Variants in GLG1 observed in about 807,000 individuals in gnomAD.
The protein encoded by GLG1 is Golgi apparatus protein 1.
A neutral mutation model predicts 160.5 loss-of-function variants in GLG1; 38 were observed. The ratio of observed to expected loss-of-function variants is 0.24; its 90% CI spans 0.18 to 0.31. GLG1 has a LOEUF of 0.31. Among genes scored for constraint, GLG1 ranks in the 10% least tolerant of loss-of-function variants. The pLI, the probability that GLG1 is intolerant of heterozygous loss-of-function variation, is 1.00. For synonymous variants in GLG1, 644 were observed against 543.4 expected, an observed-to-expected ratio of 1.19 and a Z score of -2.57; for missense variants, 1,373 against 1,505.2, an observed-to-expected ratio of 0.91 and a Z score of 1.45.
intron 1 of GLG1, among the ~76,000 whole-genome samples, chr16:74,565,992 AG>A (rs1274084433): frequency 6.6e-6 from 1 of 152,222 alleles, no homozygotes; most frequent in Non-Finnish European, 1.5e-5. Context: ...AAACCTCGTC[AG>A]GTATTTTGTA....
intron 6 of GLG1, 60 bp from the exon 7 acceptor site, chr16:74,493,200 T>C (rs2016066995): frequency 1.7e-6 from 2 of 1,160,918 alleles, no homozygotes; most frequent in African/African-American, 1.5e-5. Context: ...TGTTGACGTG[T>C]ACCACTAAGA....
chr16:74,516,938 A>G (rs898422172), intron 2 of GLG1, among the ~76,000 whole-genome samples: 3 of 152,230 alleles, frequency 2.0e-5, no homozygotes, highest in Non-Finnish European at 4.4e-5. Flanking sequence ...TATGCAAATA[A>G]ACTAGAAAAT....
intron 2 of GLG1, among the ~76,000 whole-genome samples, chr16:74,528,932 T>C (rs1396008635): frequency 6.6e-6 from 1 of 151,604 alleles, no homozygotes; most frequent in Non-Finnish European, 1.5e-5. Context: ...TCTTGGCCAT[T>C]ATTTCTTCGA....
At chr16:74,596,213 C>A (rs909581138) in intron 1 of GLG1, among the ~76,000 whole-genome samples, 3 of 151,828 alleles carry the variant, frequency 2.0e-5, no homozygotes, top group Non-Finnish European at 4.4e-5. Flanking sequence ...CAGAGCGAGA[C>A]TCTGTCTCAA....
chr16:74,459,597 A>G, intron 23 of GLG1, 85 bp downstream of exon 23: 1 of 728,468 alleles, frequency 1.4e-6, no homozygotes. Context: ...TTTTATTACC[A>G]AGGTAGGCAG....
At chr16:74,594,622 T>C (rs1958258041) in intron 1 of GLG1, among the ~76,000 whole-genome samples, 1 of 152,194 alleles carries the variant, frequency 6.6e-6, no homozygotes, top group Non-Finnish European at 1.5e-5. Flanking sequence ...AGTCACTAAC[T>C]GACCTCCAGT....
At chr16:74,484,625 G>A (rs1363445784) in intron 9 of GLG1, among the ~76,000 whole-genome samples, 2 of 152,132 alleles carry the variant, frequency 1.3e-5, no homozygotes, top group Non-Finnish European at 2.9e-5. Flanking sequence ...GCTGGGCATG[G>A]TGTCATGTGC....
intron 1 of GLG1, among the ~76,000 whole-genome samples, chr16:74,582,315 C>T (rs1049064783): frequency 5.9e-5 from 9 of 151,878 alleles, no homozygotes; most frequent in Non-Finnish European, 1.0e-4. Flanking sequence ...TTTAGGCATG[C>T]GCCACCATGC....
chr16:74,480,643 G>A (rs561669330), intron 10 of GLG1, among the ~76,000 whole-genome samples: 17 of 151,162 alleles, frequency 1.1e-4, no homozygotes, highest in Admixed American at 9.9e-4. Flanking sequence ...TGGAACCTCC[G>A]TCCCCCGGGG....
At chr16:74,494,332 G>T (rs768237278) in intron 6 of GLG1, among the ~76,000 whole-genome samples, 3 of 151,668 alleles carry the variant, frequency 2.0e-5, no homozygotes, top group Non-Finnish European at 2.9e-5. Context: ...TCTGAAAGCG[G>T]TGAGCTTTAT....
At chr16:74,530,932 C>A (rs1383099329) in intron 2 of GLG1, among the ~76,000 whole-genome samples, 1 of 152,112 alleles carries the variant, frequency 6.6e-6, no homozygotes, top group African/African-American at 2.4e-5. Flanking sequence ...TGTGAACATT[C>A]TATTCATGTC....
chr16:74,592,434 T>C (rs1173822768), intron 1 of GLG1, among the ~76,000 whole-genome samples: 1 of 152,106 alleles, frequency 6.6e-6, no homozygotes, highest in African/African-American at 2.4e-5. Flanking sequence ...ACCCGGACTG[T>C]TTATATAAAT....
Position 74,496,488 on chromosome 16 carries a change from GCCGGT to G in GLG1, c.926_930del (p.Asp309AlafsTer9). On this transcript the variant is annotated frameshift_variant, in exon 5 of 26. Coordinates refer to ENST00000422840, the MANE Select transcript of GLG1 (RefSeq NM_001145667.2). LOFTEE classifies it high-confidence loss of function. ...TCATCTCGGCAAGCAAAATATAAAT[GCCGGT>G]CTAAGTGAAAGTCATCCGATGACAG... 6.2e-7 allele frequency: 1 copy of G among 1,613,982 alleles called. No individual in the cohort carries two copies. Among genetic ancestry groups the G allele is most frequent in the Non-Finnish European group, 8.5e-7 (1 of 1,179,934 alleles).
At chr16:74,575,927 G>A (rs932776438) in intron 1 of GLG1, among the ~76,000 whole-genome samples, 2 of 152,038 alleles carry the variant, frequency 1.3e-5, no homozygotes, top group East Asian at 1.9e-4. Flanking sequence ...CTAGCCAGGC[G>A]CGGTGGTTCA....
At chr16:74,524,322 T>A (rs1476261078) in intron 2 of GLG1, among the ~76,000 whole-genome samples, 1 of 152,224 alleles carries the variant, frequency 6.6e-6, no homozygotes. Flanking sequence ...CGATAATAAG[T>A]AACTATGTCT....
At chr16:74,568,978 A>C (rs895306269) in intron 1 of GLG1, among the ~76,000 whole-genome samples, 2 of 152,270 alleles carry the variant, frequency 1.3e-5, no homozygotes, top group Non-Finnish European at 2.9e-5. Flanking sequence ...AGAACACAGG[A>C]GAGCTCAAAA....
At chr16:74,527,981 G>T (rs1436815921) in intron 2 of GLG1, among the ~76,000 whole-genome samples, 5 of 149,746 alleles carry the variant, frequency 3.3e-5, no homozygotes, top group African/African-American at 1.2e-4. Context: ...ACCTCCCAGG[G>T]TCACACCATT....
intron 10 of GLG1, among the ~76,000 whole-genome samples, chr16:74,481,265 G>A (rs1056330000): frequency 1.3e-5 from 2 of 152,282 alleles, no homozygotes; most frequent in East Asian, 3.9e-4. Context: ...ATCAATTTAT[G>A]AGACTTGACA....
At chr16:74,568,981 G>A (rs1358680755) in intron 1 of GLG1, among the ~76,000 whole-genome samples, 1 of 152,242 alleles carries the variant, frequency 6.6e-6, no homozygotes, top group Non-Finnish European at 1.5e-5. Flanking sequence ...ACACAGGAGA[G>A]CTCAAAAGCT....
Sources: gnomAD v4.1 joint callset for allele counts (sites outside exome capture counted in the v4.1 genomes callset) on GRCh38, gnomAD v4.1.1 for gene constraint, MANE v1.5 for transcripts, NCBI Gene and HGNC (gene_info 2026-07-23, HGNC 2026-07-21) for gene names.